The following SGPP2 variants were observed in gnomAD, a reference collection of about 807,000 sequenced individuals.
SGPP2 encodes sphingosine 1-phosphate phosphohydrolase 2.
A neutral mutation model predicts 33.9 loss-of-function variants in SGPP2; 30 were observed. That is an observed-to-expected ratio of 0.89 (90% CI 0.66 to 1.20). The LOEUF is 1.20. Ranked by LOEUF, SGPP2 falls within the 50% of genes most tolerant of loss-of-function variation. SGPP2 has a pLI of 0.00. For synonymous variants in SGPP2, 233 were observed against 225.0 expected, an observed-to-expected ratio of 1.04 and a Z score of -0.32; for missense variants, 458 against 532.1, an observed-to-expected ratio of 0.86 and a Z score of 1.37.
chr2:222,460,366 C>A lies in SGPP2; in HGVS notation c.220-14202C>A, dbSNP rs115044166. Among the ~76,000 whole-genome samples the A allele has an allele frequency of 0.01, 1,550 of 152,236 alleles. 19 individuals are homozygous for A. The highest frequency in any genetic ancestry group is 0.035 in the African/African-American group (1,452 of 41,548). ...GGAGCGCAGGGAGGCTCCAGTGGGG[C>A]TGCTGGGCTGTGGATGGCAGAGGCT... On this transcript the variant is annotated intron_variant, in intron 1 of 4. Coordinates refer to ENST00000321276, the MANE Select transcript of SGPP2 (RefSeq NM_152386.4). This position sits in a 1 kb window ranked among gnomAD's most constrained non-coding sequence, Gnocchi z 4.3.
chr2:222,424,673 T>C lies in SGPP2; in HGVS notation c.71T>C (p.Phe24Ser). 1 of 1,448,032 alleles carries C rather than the reference T, an allele frequency of 6.9e-7. No homozygotes were observed. The highest frequency in any genetic ancestry group is 9.1e-7 in the Non-Finnish European group (1 of 1,101,978). The allele number at this position is 1,448,032 out of a possible 1,614,324, so 89.7% of individuals were successfully genotyped here. ...VARFQRRCGL[F>S]PAPDEGPREN... ...CGCTTCCAGCGCCGCTGCGGGCTCT[T>C]CCCCGCTCCGGATGAAGGCCCCCGG... Residue 24 changes from phenylalanine to serine, a missense_variant, in exon 1 of 5, where the codon TTC becomes TCC. Phe to Ser is a radical substitution (Grantham distance 155). Transcript: ENST00000321276.
chr2:222,424,516 C>A, upstream of SGPP2: 1 of 961,712 alleles, frequency 1.0e-6, no homozygotes, highest in Non-Finnish European at 1.3e-6. Flanking sequence ...AGTGCGGGAT[C>A]GGCGGGGGCG....
chr2:222,467,965 A>AAAAAAAAAAAAC (rs1559152125), intron 1 of SGPP2, among the ~76,000 whole-genome samples: 23 of 121,082 alleles, frequency 1.9e-4, no homozygotes, highest in African/African-American at 1.1e-3. Flanking sequence ...AAAAAAAAAA[A>AAAAAAAAAAAAC]AAAAAAAAAA....
At chr2:222,424,901 G>T in intron 1 of SGPP2, 80 bp downstream of exon 1, 1 of 1,146,524 alleles carries the variant, frequency 8.7e-7, no homozygotes, top group Non-Finnish European at 1.1e-6. Context: ...CGCCACGCGG[G>T]GCCGGCCGGG....
At chr2:222,452,398 C>T (rs1697505326) in intron 1 of SGPP2, 2 of 748,194 alleles carry the variant, frequency 2.7e-6, no homozygotes, top group East Asian at 5.0e-5. Flanking sequence ...TTTCACTCTC[C>T]TTCACAGATC....
intron 4 of SGPP2, among the ~76,000 whole-genome samples, chr2:222,527,987 T>G (rs1455255922): frequency 2.0e-5 from 3 of 152,126 alleles, no homozygotes; most frequent in Non-Finnish European, 2.9e-5. Flanking sequence ...AGGAGACAGA[T>G]GTCTACACTG....
intron 1 of SGPP2, among the ~76,000 whole-genome samples, chr2:222,467,076 G>C (rs1423721869): frequency 6.6e-6 from 1 of 152,120 alleles, no homozygotes; most frequent in African/African-American, 2.4e-5. Context: ...TTAAATCTGA[G>C]AGCCTTACTT....
At chr2:222,506,099 C>CTG (rs1698440940) in intron 2 of SGPP2, among the ~76,000 whole-genome samples, 1 of 152,188 alleles carries the variant, frequency 6.6e-6, no homozygotes, top group African/African-American at 2.4e-5. Flanking sequence ...GCTGCACCTA[C>CTG]TGTAATAATT....
rs973705828 is a variant in SGPP2 at position 222,550,619 on chromosome 2, A to G, written c.649-7728A>G. On this transcript the variant is annotated intron_variant, in intron 4 of 4. Transcript: ENST00000321276. The surrounding 1 kb of genome is among the most constrained non-coding windows in gnomAD (Gnocchi z 4.5). ...AACCATAGAAAATGAGGTTGCAGAA[A>G]TTTGTCTTTTCACATGGAAAATGTT... Among the ~76,000 whole-genome samples, 1 of 152,202 alleles carries G rather than the reference A, an allele frequency of 6.6e-6. No homozygotes were observed. Among genetic ancestry groups the G allele is most frequent in the Admixed American group, 6.5e-5 (1 of 15,288 alleles).
At chr2:222,541,038 C>A (rs1182922722) in intron 4 of SGPP2, among the ~76,000 whole-genome samples, 1 of 151,976 alleles carries the variant, frequency 6.6e-6, no homozygotes, top group African/African-American at 2.4e-5. Flanking sequence ...AGGCTGGTCT[C>A]GAACTCCTGA....
Position 222,476,695 on chromosome 2 carries a change from G to A in SGPP2, c.378+1969G>A, listed in dbSNP as rs1430740598. On this transcript the variant is annotated intron_variant, in intron 2 of 4. Coordinates refer to ENST00000321276, the MANE Select transcript of SGPP2 (RefSeq NM_152386.4). This position sits in a 1 kb window ranked among gnomAD's most constrained non-coding sequence, Gnocchi z 4.3. ...TTTTCTAAGATGTGTGTGTGTGCGT[G>A]TGTAAGGTATAACTGTATATATATG... 6.6e-6 allele frequency among the ~76,000 whole-genome samples: 1 copy of A among 151,916 alleles called. No individual in the cohort carries two copies. The highest frequency in any genetic ancestry group is 1.5e-5 in the Non-Finnish European group (1 of 67,964).
rs371268936 is a variant in SGPP2, at chr2:222,558,713, C to G, written c.1015C>G (p.Arg339Gly). 2 of 1,614,076 alleles carry G rather than the reference C, an allele frequency of 1.2e-6. No individual in the cohort carries two copies. Among genetic ancestry groups the G allele is most frequent in the Non-Finnish European group, 1.7e-6 (2 of 1,180,008 alleles). ...GGGAATTGTGTTGATCCTCTTGGTT[C>G]GTCAGCTTGTACAAAATCTCTCACT... The part of the protein sequence containing the change: ...AVGIVLILLV[R>G]QLVQNLSLQV... The change falls in exon 5 of 5, where the codon CGT becomes GGT. Residue 339 changes from arginine to glycine, a missense_variant. Arg to Gly is a moderately radical substitution (Grantham distance 125, BLOSUM62 -2). Coordinates refer to ENST00000321276, the MANE Select transcript of SGPP2 (RefSeq NM_152386.4).
chr2:222,552,502 A>G (rs537161792), intron 4 of SGPP2, among the ~76,000 whole-genome samples: 53 of 152,310 alleles, frequency 3.5e-4, no homozygotes, highest in Non-Finnish European at 5.6e-4. Context: ...ATAAAAGACT[A>G]CAAATTGGGT....
At chr2:222,462,975 C>G (rs572236565) in intron 1 of SGPP2, among the ~76,000 whole-genome samples, 4 of 152,166 alleles carry the variant, frequency 2.6e-5, no homozygotes, top group Non-Finnish European at 5.9e-5. Context: ...AACTTCAAAG[C>G]TTTTCCTGAG....
At chr2:222,498,954 G>T (rs956551989) in intron 2 of SGPP2, among the ~76,000 whole-genome samples, 2 of 152,220 alleles carry the variant, frequency 1.3e-5, no homozygotes, top group Non-Finnish European at 2.9e-5. Flanking sequence ...ATGGAAACCA[G>T]TATTTCTCAG....
chr2:222,499,601 G>A (rs545446822), intron 2 of SGPP2, among the ~76,000 whole-genome samples: 1 of 152,116 alleles, frequency 6.6e-6, no homozygotes, highest in East Asian at 1.9e-4. Context: ...AGGACGTGTT[G>A]GGGGAAACAC....
chr2:222,521,058 C>G (rs1204047394), intron 2 of SGPP2, among the ~76,000 whole-genome samples: 1 of 152,236 alleles, frequency 6.6e-6, no homozygotes, highest in Non-Finnish European at 1.5e-5. Context: ...CTGCACCCAA[C>G]CTGAGTCTTT....
chr2:222,450,325 T>A (rs1357651479), intron 1 of SGPP2, among the ~76,000 whole-genome samples: 1 of 152,262 alleles, frequency 6.6e-6, no homozygotes. Context: ...ATGGCTTTAA[T>A]ATTAACATTG....
At chr2:222,440,487 C>T (rs1047281051) in intron 1 of SGPP2, among the ~76,000 whole-genome samples, 20 of 151,648 alleles carry the variant, frequency 1.3e-4, no homozygotes, top group Admixed American at 7.9e-4. Context: ...GGACTCCAGG[C>T]GCCCACCACC....
Sources: gnomAD v4.1 joint callset for allele counts (sites outside exome capture counted in the v4.1 genomes callset) on GRCh38, gnomAD v4.1.1 for gene constraint, Gnocchi (gnomAD v3.1) non-coding constraint, MANE v1.5 for transcripts, NCBI Gene and HGNC (gene_info 2026-07-23, HGNC 2026-07-21) for gene names.